The following POLR1A variants were observed in gnomAD, a reference collection of about 807,000 sequenced individuals.
The protein encoded by POLR1A is RNA polymerase I subunit A, also known as DNA-directed RNA polymerase I subunit RPA1.
In POLR1A, 84 loss-of-function variants were observed where a neutral mutation model predicts 205.3. That is an observed-to-expected ratio of 0.41 (90% CI 0.34 to 0.49). POLR1A has a LOEUF of 0.49. Among genes scored for constraint, POLR1A ranks in the 20% least tolerant of loss-of-function variants. The pLI is 0.22. For missense variants in POLR1A, 1,645 were observed against 2,204.5 expected, an observed-to-expected ratio of 0.75 and a Z score of 5.08; for synonymous variants, 799 against 863.7, an observed-to-expected ratio of 0.93 and a Z score of 1.31.
Position 86,020,551 on chromosome 2 carries a change from A to G in POLR1A, c.*6872T>C, listed in dbSNP as rs1690110952. ...CAACAGAGTGAGACCCCGTCTCAAA[A>G]AAAAAAAAAAAAAAAAAAAGATGCC... is the stretch of plus-strand genomic sequence containing the variant. On this transcript the variant is annotated 3_prime_UTR_variant, in exon 34 of 34. Coordinates refer to ENST00000263857, the MANE Select transcript of POLR1A (RefSeq NM_015425.6). 6.6e-6 allele frequency: 1 copy of G among 151,108 alleles called. No individual in the cohort carries two copies. Among genetic ancestry groups the G allele is most frequent in the Admixed American group, 6.6e-5 (1 of 15,150 alleles). 9.4% of individuals were successfully genotyped at this position (151,108 alleles called of 1,614,324 possible).
rs765177457 is a variant in POLR1A at position 86,027,960 on chromosome 2, G to C, written c.4987C>G (p.Arg1663Gly). Reference protein sequence around the residue: ...VYKPLNRFGIRSNSSPLQQMT... With the variant: ...VYKPLNRFGIGSNSSPLQQMT... ...TGCTGTAGCGGGGAAGAGTTTGACC[G>C]GATCCCAAAGCGATTCAGTGGCTTG... Residue 1663 changes from arginine to glycine, a missense_variant, in exon 33 of 34, where the codon CGG (arginine) becomes GGG (glycine). Transcript: ENST00000263857. 2 of 1,614,198 alleles carry C rather than the reference G, an allele frequency of 1.2e-6. No homozygotes were observed. The highest frequency in any genetic ancestry group is 1.7e-6 in the Non-Finnish European group (2 of 1,180,026).
chr2:86,060,545 T>C (rs925174102), intron 14 of POLR1A, among the ~76,000 whole-genome samples: 1 of 152,220 alleles, frequency 6.6e-6, no homozygotes, highest in Admixed American at 6.5e-5. Flanking sequence ...CATATATTAC[T>C]ACTTGGTTTG....
At chr2:86,039,583 G>T in intron 25 of POLR1A, 121 bp from the exon 26 acceptor site, 1 of 1,151,116 alleles carries the variant, frequency 8.7e-7, no homozygotes, top group Non-Finnish European at 1.3e-6. Flanking sequence ...GGATCTCACA[G>T]GGATAATATG....
In POLR1A at chr2:86,075,147, G is replaced by C. The variant is rs748302025; in HGVS notation, c.1494C>G (p.Ile498Met). The change falls in exon 12 of 34, where the codon ATC (isoleucine) becomes ATG (methionine). Residue 498 changes from isoleucine (I) to methionine (M), a missense_variant. Ile to Met is a conservative substitution (Grantham distance 10). Transcript: ENST00000263857. ...GGGCTGTGCGGCTGCCGTCCTCATT[G>C]ATGACCATGGAGGCTCCTGGGTGCA... ...PNVHPGASMV[I>M]NEDGSRTALS... is the part of the protein sequence containing the mutation. 5.0e-6 allele frequency: 8 copies of C among 1,613,592 alleles called. No homozygotes were observed. The highest frequency in any genetic ancestry group is 2.2e-5 in the East Asian group (1 of 44,888).
intron 13 of POLR1A, among the ~76,000 whole-genome samples, chr2:86,066,917 AT>A (rs986060992): frequency 2.6e-5 from 4 of 152,090 alleles, no homozygotes; most frequent in African/African-American, 9.7e-5. Context: ...AGATGGTCTT[AT>A]TTTGCTTGGG....
intron 6 of POLR1A, among the ~76,000 whole-genome samples, chr2:86,085,386 G>C (rs890890634): frequency 2.6e-5 from 4 of 152,198 alleles, no homozygotes. Flanking sequence ...GATAAAAGCA[G>C]AATATTTCAA....
At chr2:86,104,335 A>AT (rs1411213570) in intron 1 of POLR1A, among the ~76,000 whole-genome samples, 3 of 152,122 alleles carry the variant, frequency 2.0e-5, no homozygotes, top group African/African-American at 7.2e-5. Flanking sequence ...AATAAGTTAT[A>AT]TGTCAGGAGA....
chr2:86,096,639 T>C (rs1277440412), intron 3 of POLR1A, among the ~76,000 whole-genome samples: 1 of 152,248 alleles, frequency 6.6e-6, no homozygotes, highest in East Asian at 1.9e-4. Flanking sequence ...AGCCAACTGA[T>C]TTTTGCAAAA....
chr2:86,102,133 AT>A, intron 1 of POLR1A, among the ~76,000 whole-genome samples: 1 of 152,308 alleles, frequency 6.6e-6, no homozygotes. Flanking sequence ...CCTACTTTCA[AT>A]TCCTTGGATA....
rs768233457 is a variant in POLR1A at position 86,039,405 on chromosome 2, C to A, written c.3798G>T (p.Val1266=). Residue 1266 remains valine, a synonymous_variant, in exon 26 of 34, where the codon GTG becomes GTT. Coordinates refer to ENST00000263857, the MANE Select transcript of POLR1A (RefSeq NM_015425.6). ...SANIKTPMMS[V]PVLNTKKALK... is the part of the protein sequence containing the mutation. ...GGGCTTTCTTGGTGTTGAGCACGGG[C>A]ACGCTCATCATGGGTGTCTTGATGT... 3 of 1,613,970 alleles carry A rather than the reference C, an allele frequency of 1.9e-6. No homozygotes were observed. The highest frequency in any genetic ancestry group is 2.5e-6 in the Non-Finnish European group (3 of 1,180,016).
chr2:86,085,031 C>T (rs1484479490), intron 6 of POLR1A, among the ~76,000 whole-genome samples: 2 of 152,094 alleles, frequency 1.3e-5, no homozygotes, highest in Non-Finnish European at 1.5e-5. Context: ...GCACGATCTT[C>T]GCTCACTGCA....
intron 6 of POLR1A, among the ~76,000 whole-genome samples, chr2:86,084,427 A>C (rs1362983691): frequency 1.3e-5 from 2 of 151,422 alleles, no homozygotes; most frequent in Admixed American, 1.3e-4. Context: ...AAAAAAAAAA[A>C]CACAAAACAA....
chr2:86,089,974 C>T (rs1259435694), intron 3 of POLR1A, 45 bp from the exon 4 acceptor site: 1 of 1,001,734 alleles, frequency 1.0e-6, no homozygotes, highest in Admixed American at 1.7e-5. Context: ...TAATGTACAC[C>T]TCTGATGAGC....
intron 26 of POLR1A, 105 bp from the exon 27 acceptor site, chr2:86,038,962 AC>A: frequency 9.7e-7 from 1 of 1,032,904 alleles, no homozygotes; most frequent in Non-Finnish European, 1.5e-6. Flanking sequence ...AGCAGCTGAG[AC>A]CACAGGCCAA....
At chr2:86,055,855 T>C (rs1321812416) in intron 14 of POLR1A, among the ~76,000 whole-genome samples, 1 of 152,248 alleles carries the variant, frequency 6.6e-6, no homozygotes, top group Non-Finnish European at 1.5e-5. Context: ...GGATGCCTTC[T>C]GCCTAAAGTC....
Position 86,038,682 on chromosome 2 carries a change from C to T in POLR1A, c.4034+18G>A. 1 of 1,611,950 alleles carries T rather than the reference C, an allele frequency of 6.2e-7. No individual in the cohort carries two copies. The highest frequency in any genetic ancestry group is 8.5e-7 in the Non-Finnish European group (1 of 1,179,250). On this transcript the variant is annotated intron_variant, in intron 27 of 33. Transcript: ENST00000263857. ...TCTCTGGGTCAAGGTCAATGACAAT[C>T]ACAGCCTGAGCCCTGACCTTGTTTC...
intron 33 of POLR1A, 122 bp downstream of exon 33, chr2:86,027,763 C>T: frequency 8.5e-7 from 1 of 1,169,850 alleles, no homozygotes; most frequent in Non-Finnish European, 1.2e-6. Flanking sequence ...GCCGCCCCCG[C>T]TCCCCTCAGA....
Position 86,043,180 on chromosome 2 carries a change from G to A in POLR1A, c.3151C>T (p.Gln1051Ter). Residue 1051 changes from glutamine to a stop codon, truncating the protein, a stop_gained, in exon 23 of 34, where the codon CAG becomes TAG. Coordinates refer to ENST00000263857, the MANE Select transcript of POLR1A (RefSeq NM_015425.6). LOFTEE classifies it high-confidence loss of function. The part of the protein sequence containing the change: ...ASNYEVIMKS[Q>*]HLHEVLSRAD... ...CTGGATAAAACTTCATGGAGATGCT[G>A]TGATTTCATTATCACCTAAACAAAC... The A allele has an allele frequency of 6.2e-7, 1 of 1,612,364 alleles. No individual in the cohort carries two copies. The highest frequency in any genetic ancestry group is 1.1e-5 in the South Asian group (1 of 90,970).
chr2:86,072,211 C>T (rs1206409832), intron 12 of POLR1A, among the ~76,000 whole-genome samples: 1 of 152,290 alleles, frequency 6.6e-6, no homozygotes, highest in East Asian at 1.9e-4. Context: ...TTTTTGCTCC[C>T]GAAGGAATTC....
Sources: gnomAD v4.1 joint callset for allele counts (sites outside exome capture counted in the v4.1 genomes callset) on GRCh38, gnomAD v4.1.1 for gene constraint, MANE v1.5 for transcripts, NCBI Gene and HGNC (gene_info 2026-07-23, HGNC 2026-07-21) for gene names.